Variants in ZDHHC20 observed in about 807,000 individuals in gnomAD.
The protein encoded by ZDHHC20 is zDHHC palmitoyltransferase 20, also known as palmitoyltransferase ZDHHC20.
A neutral mutation model predicts 57.8 loss-of-function variants in ZDHHC20; 43 were observed. That is an observed-to-expected ratio of 0.74 (90% CI 0.58 to 0.96). The LOEUF is 0.96. Among genes scored for constraint, ZDHHC20 ranks in the 40% least tolerant of loss-of-function variants. ZDHHC20 has a pLI of 0.00. For synonymous variants in ZDHHC20, 157 were observed against 153.0 expected, an observed-to-expected ratio of 1.03 and a Z score of -0.19; for missense variants, 391 against 441.1, an observed-to-expected ratio of 0.89 and a Z score of 1.02.
intron 2 of ZDHHC20, among the ~76,000 whole-genome samples, chr13:21,424,044 G>GT (rs1880967179): frequency 6.6e-6 from 1 of 151,844 alleles, no homozygotes; most frequent in South Asian, 2.1e-4. Flanking sequence ...AAAGAAAATG[G>GT]TTTTGCTTAA....
intron 11 of ZDHHC20, 30 bp from the exon 12 acceptor site, chr13:21,378,768 C>CAAAA (rs751093398): frequency 6.2e-5 from 43 of 688,816 alleles, no homozygotes; most frequent in South Asian, 2.9e-4. Context: ...TATGACATGA[C>CAAAA]AAAAAAAAAA....
At chr13:21,425,710 T>C (rs773488393) in intron 1 of ZDHHC20, 32 bp from the exon 2 acceptor site, 2 of 1,061,508 alleles carry the variant, frequency 1.9e-6, no homozygotes, top group South Asian at 1.8e-5. Context: ...TGAATAAATA[T>C]ACTTTAAACA....
intron 8 of ZDHHC20, among the ~76,000 whole-genome samples, chr13:21,390,777 G>A (rs1875551412): frequency 6.6e-6 from 1 of 151,938 alleles, no homozygotes; most frequent in Non-Finnish European, 1.5e-5. Context: ...GTGCACACCT[G>A]TAGACCCAGC....
chr13:21,407,006 A>T (rs1390361359), intron 4 of ZDHHC20, among the ~76,000 whole-genome samples: 2 of 152,116 alleles, frequency 1.3e-5, no homozygotes, highest in East Asian at 3.9e-4. Context: ...AAACAGTGTA[A>T]AAGTGTTTCT....
chr13:21,381,992 T>A (rs1873510799), intron 10 of ZDHHC20: 1 of 502,076 alleles, frequency 2.0e-6, no homozygotes, highest in African/African-American at 1.9e-5. Context: ...CTTATTTTTC[T>A]AGCTAAAAGA....
intron 4 of ZDHHC20, among the ~76,000 whole-genome samples, chr13:21,407,283 C>T (rs1174381447): frequency 6.6e-6 from 1 of 152,134 alleles, no homozygotes; most frequent in African/African-American, 2.4e-5. Context: ...TGTGAGCCAC[C>T]ACACCCAGTT....
In ZDHHC20 at chr13:21,402,787, T is replaced by G; in HGVS notation, c.440+10A>C. 6.3e-7 allele frequency: 1 copy of G among 1,590,998 alleles called. No individual in the cohort carries two copies. The highest frequency in any genetic ancestry group is 1.8e-5 in the Admixed American group (1 of 56,508). The stretch of plus-strand genomic sequence containing the variant: ...GCTAGATATTAAGCATATGTGTGAG[T>G]AACACTTACGAGTCACAGGCTGAGC... On this transcript the variant is annotated intron_variant, in intron 5 of 12. Coordinates refer to ENST00000400590, the MANE Select transcript of ZDHHC20 (RefSeq NM_001330059.2).
Position 21,401,680 on chromosome 13 carries a change from A to C in ZDHHC20, c.446T>G (p.Ile149Ser). Residue 149 changes from isoleucine to serine, a missense_variant, in exon 6 of 13, where the codon ATT becomes AGT. Coordinates refer to ENST00000400590, the MANE Select transcript of ZDHHC20 (RefSeq NM_001330059.2). ...AGGACAGTGATGATCCATCTTAAGAATACATCTAGGAAACAAACAAGCATA... is the reference window on the plus strand; with the variant it reads ...AGGACAGTGATGATCCATCTTAAGACTACATCTAGGAAACAAACAAGCATA... ...AHHCSACDSCILKMDHHCPWV... is the reference protein window; with the variant it reads ...AHHCSACDSCSLKMDHHCPWV... The C allele has an allele frequency of 2.0e-6, 3 of 1,524,454 alleles. No homozygotes were observed. Among genetic ancestry groups the C allele is most frequent in the Non-Finnish European group, 2.6e-6 (3 of 1,138,840 alleles). 94.4% of individuals were successfully genotyped at this position (1,524,454 alleles called of 1,614,324 possible).
chr13:21,451,762 G>C (rs1358020935), intron 1 of ZDHHC20, among the ~76,000 whole-genome samples: 2 of 152,092 alleles, frequency 1.3e-5, no homozygotes, highest in Non-Finnish European at 2.9e-5. Flanking sequence ...GGCTGAGGCA[G>C]GTGGATCACC....
intron 1 of ZDHHC20, among the ~76,000 whole-genome samples, chr13:21,448,349 C>T (rs1227159082): frequency 7.8e-5 from 9 of 115,568 alleles, no homozygotes; most frequent in African/African-American, 2.4e-4. Context: ...CGGCCAGCCG[C>T]CCCGTCCGGG....
At chr13:21,425,918 A>G (rs577002737) in intron 1 of ZDHHC20, among the ~76,000 whole-genome samples, 2 of 152,304 alleles carry the variant, frequency 1.3e-5, no homozygotes, top group African/African-American at 4.8e-5. Flanking sequence ...GAACTTTATT[A>G]ATTTTAAGTG....
chr13:21,455,669 T>A (rs1173206525), intron 1 of ZDHHC20, among the ~76,000 whole-genome samples: 2 of 145,464 alleles, frequency 1.4e-5, no homozygotes, highest in Admixed American at 1.4e-4. Flanking sequence ...TGTGTGTGTG[T>A]GTGTCTAATT....
At chr13:21,441,733 G>GTA (rs1883195661) in intron 1 of ZDHHC20, among the ~76,000 whole-genome samples, 1 of 151,668 alleles carries the variant, frequency 6.6e-6, no homozygotes, top group Non-Finnish European at 1.5e-5. Context: ...CTAAATTATT[G>GTA]TATATATAAA....
intron 12 of ZDHHC20, among the ~76,000 whole-genome samples, chr13:21,377,367 G>T (rs376647898): frequency 8.0e-4 from 52 of 65,228 alleles, no homozygotes; most frequent in African/African-American, 2.5e-3. Flanking sequence ...GACTCTGCCC[G>T]ACGTGACCTC....
intron 3 of ZDHHC20, among the ~76,000 whole-genome samples, chr13:21,415,020 T>C (rs1441194832): frequency 6.6e-6 from 1 of 152,196 alleles, no homozygotes; most frequent in African/African-American, 2.4e-5. Flanking sequence ...TGACTTTCCA[T>C]GTTTAAGGAG....
At chr13:21,413,946 T>G (rs960502522) in intron 3 of ZDHHC20, among the ~76,000 whole-genome samples, 174 bp from the exon 4 acceptor site, 1 of 152,188 alleles carries the variant, frequency 6.6e-6, no homozygotes, top group African/African-American at 2.4e-5. Context: ...TGTATACCTT[T>G]GGCATATTAA....
intron 7 of ZDHHC20, among the ~76,000 whole-genome samples, chr13:21,396,895 C>T (rs570680131): frequency 2.0e-5 from 3 of 151,746 alleles, no homozygotes; most frequent in Non-Finnish European, 4.4e-5. Context: ...CAACCCATGA[C>T]AGAAAAAGGA....
intron 8 of ZDHHC20, among the ~76,000 whole-genome samples, chr13:21,389,112 T>C (rs916645573): frequency 1.3e-5 from 2 of 152,210 alleles, no homozygotes; most frequent in Non-Finnish European, 2.9e-5. Context: ...AGGGACTAGC[T>C]TGCTTGTTCA....
At chr13:21,445,206 TAG>T (rs1400992562) in intron 1 of ZDHHC20, among the ~76,000 whole-genome samples, 2 of 152,018 alleles carry the variant, frequency 1.3e-5, no homozygotes, top group Admixed American at 6.6e-5. Flanking sequence ...GGCCTGCAAA[TAG>T]AGCTTATAAA....
Sources: allele counts gnomAD v4.1 joint callset (sites outside exome capture counted in the v4.1 genomes callset), GRCh38; gene constraint gnomAD v4.1.1; transcripts MANE v1.5; gene names NCBI Gene and HGNC (gene_info 2026-07-23, HGNC 2026-07-21).